The following FSHR variants were observed in gnomAD, a reference collection of about 807,000 sequenced individuals.
The protein encoded by FSHR is follicle-stimulating hormone receptor.
Under a neutral mutation model 52.1 loss-of-function variants are expected in FSHR, and 46 were observed. The ratio of observed to expected loss-of-function variants is 0.88; its 90% CI spans 0.70 to 1.13. The LOEUF is 1.13. Among genes scored for constraint, FSHR ranks in the 50% most tolerant of loss-of-function variants. The pLI is 0.00. For missense variants in FSHR, 964 were observed against 834.6 expected, an observed-to-expected ratio of 1.16 and a Z score of -1.91; for synonymous variants, 399 against 309.6, an observed-to-expected ratio of 1.29 and a Z score of -3.03.
At chr2:49,080,537 A>G (rs1216525748) in intron 1 of FSHR, among the ~76,000 whole-genome samples, 2 of 152,234 alleles carry the variant, frequency 1.3e-5, no homozygotes, top group South Asian at 4.1e-4. Flanking sequence ...GCTGCATGCA[A>G]CCAGCTGGAA....
At chr2:49,032,151 G>A (rs1454205361) in intron 2 of FSHR, among the ~76,000 whole-genome samples, 2 of 152,178 alleles carry the variant, frequency 1.3e-5, no homozygotes, top group South Asian at 2.1e-4. Flanking sequence ...AAGGCCCAAC[G>A]TTTAAAGTTT....
intron 1 of FSHR, among the ~76,000 whole-genome samples, chr2:49,145,333 C>T (rs1032147404): frequency 5.9e-5 from 9 of 152,130 alleles, no homozygotes; most frequent in Middle Eastern, 3.4e-3. Context: ...CATTAATTTG[C>T]TGATTGTTCA....
chr2:49,072,454 C>T (rs924697022), intron 1 of FSHR, among the ~76,000 whole-genome samples: 2 of 152,000 alleles, frequency 1.3e-5, no homozygotes, highest in Admixed American at 1.3e-4. Flanking sequence ...AATTAATGAG[C>T]CAAGCTTCCA....
At chr2:49,068,391 C>G in intron 1 of FSHR, 101 bp from the exon 2 acceptor site, 2 of 983,224 alleles carry the variant, frequency 2.0e-6, no homozygotes. Context: ...ATACTAAGTG[C>G]TTGCCATAAA....
chr2:49,021,126 T>C (rs776268053), intron 2 of FSHR, among the ~76,000 whole-genome samples: 3 of 152,192 alleles, frequency 2.0e-5, no homozygotes, highest in Non-Finnish European at 2.9e-5. Flanking sequence ...ATAAAACATA[T>C]ATTTAAATCC....
At chr2:49,054,928 CTGTT>C (rs1227223126) in intron 2 of FSHR, among the ~76,000 whole-genome samples, 1 of 152,184 alleles carries the variant, frequency 6.6e-6, no homozygotes, top group Admixed American at 6.5e-5. Context: ...GAACAGGTGA[CTGTT>C]TGACCAGATG....
intron 2 of FSHR, among the ~76,000 whole-genome samples, chr2:49,056,185 T>C (rs899954536): frequency 5.3e-5 from 8 of 151,922 alleles, no homozygotes; most frequent in African/African-American, 1.9e-4. Context: ...ATTTAAAACA[T>C]ATAGACTGGT....
chr2:49,063,199 G>A (rs1169923584), intron 2 of FSHR, among the ~76,000 whole-genome samples: 1 of 152,178 alleles, frequency 6.6e-6, no homozygotes, highest in East Asian at 1.9e-4. Context: ...TTCTGCCACT[G>A]TACCCTGGCT....
In FSHR at chr2:48,963,325, G is replaced by A; in HGVS notation, c.1496C>T (p.Ala499Val). 6.2e-7 allele frequency: 1 copy of A among 1,613,980 alleles called. No homozygotes were observed. Among genetic ancestry groups the A allele is most frequent in the South Asian group, 1.1e-5 (1 of 91,042 alleles). ...VMVMGWIFAF[A>V]AALFPIFGIS... Reference sequence around the variant, plus strand: ...GCCAAAGATGGGAAAGAGGGCAGCTGCAAAAGCAAAAATCCAGCCCATCAC... The same window carrying A: ...GCCAAAGATGGGAAAGAGGGCAGCTACAAAAGCAAAAATCCAGCCCATCAC... The change falls in exon 10 of 10, where the codon GCA becomes GTA. Residue 499 changes from alanine (A) to valine (V), a missense_variant. Physicochemically the swap from Ala to Val is moderately conservative, Grantham distance 64. Transcript: ENST00000406846.
intron 2 of FSHR, among the ~76,000 whole-genome samples, chr2:49,064,040 A>G (rs1446054129): frequency 1.3e-5 from 2 of 150,082 alleles, no homozygotes; most frequent in East Asian, 3.9e-4. Flanking sequence ...AAGAACAAAA[A>G]AAGTGGTAAG....
At chr2:49,081,220 C>G (rs570609033) in intron 1 of FSHR, among the ~76,000 whole-genome samples, 38 of 152,012 alleles carry the variant, frequency 2.5e-4, no homozygotes, top group African/African-American at 8.9e-4. Context: ...GTAATAAAGA[C>G]TAAATTTTAA....
chr2:49,056,571 G>A (rs184562659), intron 2 of FSHR, among the ~76,000 whole-genome samples: 1 of 151,426 alleles, frequency 6.6e-6, no homozygotes. Flanking sequence ...AGTAGTTGGA[G>A]ACTTCAACAC....
chr2:49,116,346 G>A (rs750707124), intron 1 of FSHR, among the ~76,000 whole-genome samples: 25 of 152,178 alleles, frequency 1.6e-4, no homozygotes, highest in Non-Finnish European at 3.1e-4. Context: ...CTAGGAGTTT[G>A]AAGGCTCTGA....
At chr2:49,058,729 T>A (rs1041596936) in intron 2 of FSHR, among the ~76,000 whole-genome samples, 1 of 151,352 alleles carries the variant, frequency 6.6e-6, no homozygotes, top group Non-Finnish European at 1.5e-5. Context: ...CAAAACCCTA[T>A]GAATAAATTT....
At chr2:49,090,686 C>A (rs968722201) in intron 1 of FSHR, among the ~76,000 whole-genome samples, 1 of 152,100 alleles carries the variant, frequency 6.6e-6, no homozygotes, top group African/African-American at 2.4e-5. Context: ...TAAAAAGTTG[C>A]TAAGTTGTTT....
chr2:49,058,172 A>G (rs1015816859), intron 2 of FSHR, among the ~76,000 whole-genome samples: 6 of 152,210 alleles, frequency 3.9e-5, no homozygotes, highest in Non-Finnish European at 1.5e-5. Context: ...AACAAGAGCA[A>G]TTGGGCAAGA....
At position 49,098,631 on chromosome 2, in the gene FSHR, G is replaced by T. The variant is rs961080030; in HGVS notation, c.153-30341C>A. ...ATCTTGCTACTTGAATGGAGAGGAA[G>T]GCCTGAGGTAGCAGAGAAAGAACAT... On this transcript the variant is annotated intron_variant, in intron 1 of 9. Coordinates refer to ENST00000406846, the MANE Select transcript of FSHR (RefSeq NM_000145.4). 2.6e-5 allele frequency among the ~76,000 whole-genome samples: 4 copies of T among 151,218 alleles called. No individual in the cohort carries two copies. In the East Asian group the frequency reaches 7.7e-4, roughly 29 times the overall value.
chr2:48,984,602 A>G (rs1445533638), intron 6 of FSHR, among the ~76,000 whole-genome samples: 2 of 150,364 alleles, frequency 1.3e-5, no homozygotes, highest in Admixed American at 1.3e-4. Context: ...TTTTTTTGTA[A>G]TATAGGCCTA....
chr2:49,102,526 A>G (rs530243698), intron 1 of FSHR, among the ~76,000 whole-genome samples: 17 of 152,174 alleles, frequency 1.1e-4, no homozygotes, highest in Non-Finnish European at 2.5e-4. Flanking sequence ...TGCAGATCAT[A>G]GAACAGACAA....
Sources: gnomAD v4.1 joint callset for allele counts (sites outside exome capture counted in the v4.1 genomes callset) on GRCh38, gnomAD v4.1.1 for gene constraint, MANE v1.5 for transcripts, NCBI Gene and HGNC (gene_info 2026-07-23, HGNC 2026-07-21) for gene names.